Variants in TRAM2 observed in about 807,000 individuals in gnomAD.
TRAM2 encodes the protein translocation associated membrane protein 2.
A neutral mutation model predicts 51.0 loss-of-function variants in TRAM2; 12 were observed. That is an observed-to-expected ratio of 0.24 (90% confidence interval 0.15 to 0.38). The LOEUF is 0.38. Among genes scored for constraint, TRAM2 ranks in the 10% least tolerant of loss-of-function variants. The pLI, the probability that TRAM2 is intolerant of heterozygous loss-of-function variation, is 1.00. For missense variants in TRAM2, 361 were observed against 462.0 expected (o/e 0.78, Z 2.00); for synonymous variants, 175 against 179.4 (o/e 0.98, Z 0.20).
chr6:52,568,829 T>C (rs755772377), intron 1 of TRAM2, among the ~76,000 whole-genome samples: 2 of 152,152 alleles, frequency 1.3e-5, no homozygotes, highest in Non-Finnish European at 2.9e-5. Context: ...AGGAACAAAC[T>C]GATTAAACTA....
rs1300373317 is a variant in TRAM2 at position 52,501,522 on chromosome 6, A to G, written c.*1675T>C. 6.6e-6 allele frequency: 1 copy of G among 152,236 alleles called. No individual in the cohort carries two copies. The highest frequency in any genetic ancestry group is 2.4e-5 in the African/African-American group (1 of 41,462). The allele number at this position is 152,236 out of a possible 1,614,324, so 9.4% of individuals were successfully genotyped here. ...ACCAAGAACTACTCCCCTTTGCCTC[A>G]AAACAGAGTTCGGAGGTTCTTAATT... On this transcript the variant is annotated 3_prime_UTR_variant, in exon 11 of 11. Transcript: ENST00000182527.
At position 52,508,326 on chromosome 6, in the gene TRAM2, C is replaced by T. The variant is rs748736885; in HGVS notation, c.471-8G>A. The T allele has an allele frequency of 6.2e-7, 1 of 1,613,128 alleles. No homozygotes were observed. Among genetic ancestry groups the T allele is most frequent in the Non-Finnish European group, 8.5e-7 (1 of 1,179,890 alleles). On this transcript the variant is annotated splice_region_variant and splice_polypyrimidine_tract_variant and intron_variant, in intron 5 of 10. Transcript: ENST00000182527. ...AAAAACTTCACCTGGAAGCTGGAGA[C>T]AAGGGGGCAAGTCACACGGGCAGGA... is the stretch of plus-strand genomic sequence containing the variant.
At position 52,498,085 on chromosome 6, in the gene TRAM2, G is replaced by C. The variant is rs1338562852; in HGVS notation, c.*5112C>G. ...TAAGATGATGCTACATGTTCTAAAAGAGTGCCACAGAAACCCACCCAGGAT... is the reference window on the plus strand; with the variant it reads ...TAAGATGATGCTACATGTTCTAAAACAGTGCCACAGAAACCCACCCAGGAT... On this transcript the variant is annotated 3_prime_UTR_variant, in exon 11 of 11. Transcript: ENST00000182527. 1 of 152,408 alleles carries C rather than the reference G, an allele frequency of 6.6e-6. No homozygotes were observed. Among genetic ancestry groups the C allele is most frequent in the African/African-American group, 2.4e-5 (1 of 41,456 alleles). The allele number at this position is 152,408 out of a possible 1,614,324, so 9.4% of individuals were successfully genotyped here.
intron 1 of TRAM2, among the ~76,000 whole-genome samples, chr6:52,572,630 A>G (rs1767699985): frequency 6.6e-6 from 1 of 152,188 alleles, no homozygotes; most frequent in African/African-American, 2.4e-5. Flanking sequence ...CAGATGTATT[A>G]TGTGTGCCAT....
At chr6:52,555,526 G>A (rs1005624303) in intron 1 of TRAM2, among the ~76,000 whole-genome samples, 2 of 151,996 alleles carry the variant, frequency 1.3e-5, no homozygotes, top group African/African-American at 4.8e-5. Flanking sequence ...ATCCTTACAG[G>A]TATTTTTCTA....
intron 1 of TRAM2, among the ~76,000 whole-genome samples, chr6:52,553,168 A>G (rs1230397543): frequency 2.6e-5 from 4 of 152,186 alleles, no homozygotes; most frequent in Non-Finnish European, 1.5e-5. Context: ...TTAATCTGGC[A>G]TTCCTAATCC....
chr6:52,547,815 G>A (rs1767233482), intron 1 of TRAM2, among the ~76,000 whole-genome samples: 1 of 152,244 alleles, frequency 6.6e-6, no homozygotes, highest in South Asian at 2.1e-4. Context: ...TGGACTGACA[G>A]AGTTCAGAAT....
chr6:52,516,809 A>G, intron 2 of TRAM2, 72 bp from the exon 3 acceptor site: 4 of 1,206,936 alleles, frequency 3.3e-6, no homozygotes, highest in Non-Finnish European at 4.9e-6. Context: ...AACTGAAATG[A>G]GATGGGAGGC....
At chr6:52,544,280 A>C (rs1767157586) in intron 1 of TRAM2, among the ~76,000 whole-genome samples, 1 of 152,136 alleles carries the variant, frequency 6.6e-6, no homozygotes, top group South Asian at 2.1e-4. Flanking sequence ...AAACTAAGCA[A>C]ACTGAGGCCG....
intron 1 of TRAM2, among the ~76,000 whole-genome samples, chr6:52,558,637 C>T (rs1306242274): frequency 6.6e-6 from 1 of 152,192 alleles, no homozygotes; most frequent in Non-Finnish European, 1.5e-5. Context: ...CCTTCTAACA[C>T]TCACTGTATG....
In TRAM2 at chr6:52,576,847, C is replaced by G. The variant is rs1325732696; in HGVS notation, c.69G>C (p.Ala23=). The G allele has an allele frequency of 6.2e-7, 1 of 1,613,914 alleles. No homozygotes were observed. The highest frequency in any genetic ancestry group is 2.2e-5 in the East Asian group (1 of 44,848). The change falls in exon 1 of 11, where the codon GCG becomes GCC. Residue 23 remains alanine (A), a synonymous_variant. Transcript: ENST00000182527. The stretch of plus-strand genomic sequence containing the variant: ...AGAGCACCAGGCAGAAGCCGATGTC[C>G]GCATGGTTGTGGATGACGAACTCCT... The part of the protein sequence containing the change: ...FSQEFVIHNH[A]DIGFCLVLCV...
intron 1 of TRAM2, among the ~76,000 whole-genome samples, chr6:52,538,573 A>G (rs1767015063): frequency 6.6e-6 from 1 of 152,164 alleles, no homozygotes. Context: ...TTCAATGGGA[A>G]GAGCACTGGT....
chr6:52,552,510 G>A (rs1023487859), intron 1 of TRAM2, among the ~76,000 whole-genome samples: 2 of 152,178 alleles, frequency 1.3e-5, no homozygotes, highest in African/African-American at 2.4e-5. Flanking sequence ...CCACAAACCC[G>A]ACGGGCTGCT....
chr6:52,507,667 C>T (rs904748922), intron 6 of TRAM2, 44 bp from the exon 7 acceptor site: 13 of 1,596,844 alleles, frequency 8.1e-6, no homozygotes, highest in African/African-American at 1.3e-5. Flanking sequence ...AATTCCCTAA[C>T]TGAAGATTCA....
intron 5 of TRAM2, 85 bp downstream of exon 5, chr6:52,509,443 G>A: frequency 3.7e-6 from 5 of 1,353,758 alleles, no homozygotes; most frequent in Non-Finnish European, 5.3e-6. Flanking sequence ...AGCTGGGCCT[G>A]TGGTGTTCTG....
At chr6:52,542,649 C>T (rs1248376673) in intron 1 of TRAM2, among the ~76,000 whole-genome samples, 2 of 152,118 alleles carry the variant, frequency 1.3e-5, no homozygotes, top group Non-Finnish European at 2.9e-5. Flanking sequence ...TCTCTACAAG[C>T]CTGTGATCAC....
chr6:52,519,431 C>A (rs1581874133), intron 2 of TRAM2, among the ~76,000 whole-genome samples: 1 of 152,210 alleles, frequency 6.6e-6, no homozygotes, highest in South Asian at 2.1e-4. Context: ...AAGGTTATCT[C>A]CTCACACCCA....
chr6:52,542,858 T>TA (rs1482965519), intron 1 of TRAM2, among the ~76,000 whole-genome samples: 4 of 152,220 alleles, frequency 2.6e-5, no homozygotes, highest in African/African-American at 9.6e-5. Flanking sequence ...ATAAAGGGTT[T>TA]AAAAAATCTT....
In TRAM2 at chr6:52,509,512, T is replaced by C; in HGVS notation, c.470+16A>G. On this transcript the variant is annotated intron_variant, in intron 5 of 10. Transcript: ENST00000182527. ...CCGGTCGCTCCTCCCTGGGGCTGAG[T>C]CAACAGAATACTCACGGGAGGTGCA... The C allele has an allele frequency of 6.2e-7, 1 of 1,609,120 alleles. No homozygotes were observed. Among genetic ancestry groups the C allele is most frequent in the Non-Finnish European group, 8.5e-7 (1 of 1,178,686 alleles).
Sources: allele counts gnomAD v4.1 joint callset (sites outside exome capture counted in the v4.1 genomes callset), GRCh38; gene constraint gnomAD v4.1.1; transcripts MANE v1.5; gene names NCBI Gene and HGNC (gene_info 2026-07-23, HGNC 2026-07-21).